Variants in MPP7 observed in about 807,000 individuals in gnomAD.
MPP7 encodes MAGUK p55 scaffold protein 7, also known as MAGUK p55 subfamily member 7.
A neutral mutation model predicts 76.5 loss-of-function variants in MPP7; 60 were observed. That is an observed-to-expected ratio of 0.78 (90% CI 0.64 to 0.97). MPP7 has a LOEUF of 0.97. MPP7 is among the 50% of genes least tolerant of loss of function. The pLI, the probability that MPP7 is intolerant of heterozygous loss-of-function variation, is 0.00. For synonymous variants in MPP7, 237 were observed against 244.5 expected (o/e 0.97, Z 0.29); for missense variants, 641 against 694.0 (o/e 0.92, Z 0.86).
At chr10:28,136,280 C>T (rs569581252) in intron 5 of MPP7, among the ~76,000 whole-genome samples, 1 of 152,074 alleles carries the variant, frequency 6.6e-6, no homozygotes, top group South Asian at 2.1e-4. Flanking sequence ...AAATCACTCC[C>T]CAAACCCCCA....
At chr10:28,291,344 G>A (rs560832432) in intron 1 of MPP7, among the ~76,000 whole-genome samples, 18 of 152,320 alleles carry the variant, frequency 1.2e-4, no homozygotes, top group African/African-American at 3.6e-4. Flanking sequence ...GGTGGCTCAC[G>A]CCTGTAATCC....
chr10:28,144,925 G>C (rs1835655301), intron 5 of MPP7, among the ~76,000 whole-genome samples: 1 of 152,146 alleles, frequency 6.6e-6, no homozygotes, highest in South Asian at 2.1e-4. Flanking sequence ...ATAAATGAAT[G>C]AATGAAGATC....
intron 2 of MPP7, among the ~76,000 whole-genome samples, chr10:28,221,908 TGCTA>T (rs1263430558): frequency 6.6e-6 from 1 of 152,224 alleles, no homozygotes; most frequent in Non-Finnish European, 1.5e-5. Flanking sequence ...AATAGTGCTA[TGCTA>T]GCTATTTAAT....
chr10:28,157,299 T>C (rs1836099196), intron 3 of MPP7, among the ~76,000 whole-genome samples: 1 of 152,206 alleles, frequency 6.6e-6, no homozygotes, highest in South Asian at 2.1e-4. Context: ...CTATCACTGT[T>C]GTCAGCTCTC....
intron 3 of MPP7, among the ~76,000 whole-genome samples, chr10:28,168,334 G>A (rs940903366): frequency 1.3e-5 from 2 of 151,990 alleles, no homozygotes; most frequent in African/African-American, 4.8e-5. Context: ...TTGTAGATGT[G>A]CTTTCTATTT....
At chr10:28,334,463 G>T (rs1359248809) in exon 1 of MPP7, 4 of 152,196 alleles carry the variant, frequency 2.6e-5, no homozygotes, top group African/African-American at 4.8e-5. Context: ...TGGTTACGGT[G>T]TCTGAGTGAA....
intron 1 of MPP7, among the ~76,000 whole-genome samples, chr10:28,272,731 T>A (rs929322037): frequency 1.3e-5 from 2 of 151,276 alleles, no homozygotes; most frequent in African/African-American, 4.9e-5. Flanking sequence ...ACTCTTAGTT[T>A]AAAAAAAAAG....
At chr10:28,164,566 A>G (rs546372409) in intron 3 of MPP7, among the ~76,000 whole-genome samples, 2 of 152,298 alleles carry the variant, frequency 1.3e-5, no homozygotes, top group African/African-American at 4.8e-5. Flanking sequence ...TAATGTGTAC[A>G]CATGGACAGT....
intron 6 of MPP7, among the ~76,000 whole-genome samples, chr10:28,130,545 A>T (rs896274803): frequency 6.6e-6 from 1 of 152,170 alleles, no homozygotes; most frequent in Non-Finnish European, 1.5e-5. Context: ...CACTTGCTAG[A>T]ATTTTATTTC....
intron 11 of MPP7, chr10:28,118,985 TG>T: frequency 1.0e-6 from 1 of 985,228 alleles, no homozygotes; most frequent in Non-Finnish European, 1.2e-6. Flanking sequence ...CTAGGCGAGG[TG>T]GAACAGGGAA....
intron 11 of MPP7, among the ~76,000 whole-genome samples, chr10:28,091,234 T>C (rs889128473): frequency 1.3e-5 from 2 of 151,368 alleles, no homozygotes; most frequent in African/African-American, 2.4e-5. Context: ...TTTAAAGGTA[T>C]AAAAATACAT....
At chr10:28,202,084 A>T in intron 3 of MPP7, 69 bp downstream of exon 3, 1 of 1,050,698 alleles carries the variant, frequency 9.5e-7, no homozygotes, top group African/African-American at 1.6e-5. Flanking sequence ...TCTCTGGTTT[A>T]CTTGGTGGTG....
intron 3 of MPP7, among the ~76,000 whole-genome samples, chr10:28,183,671 T>C (rs1837132709): frequency 6.6e-6 from 1 of 152,098 alleles, no homozygotes; most frequent in African/African-American, 2.4e-5. Flanking sequence ...CTTGTAGTCC[T>C]AGCTACTTGG....
intron 11 of MPP7, among the ~76,000 whole-genome samples, chr10:28,098,441 G>A (rs1243121147): frequency 6.6e-6 from 1 of 151,902 alleles, no homozygotes; most frequent in Middle Eastern, 3.4e-3. Flanking sequence ...CAATGGTTGT[G>A]TTAGGTAGAG....
At position 28,238,831 on chromosome 10, in the gene MPP7, T is replaced by C. The variant is rs562185023; in HGVS notation, c.-131-96A>G. Reference sequence around the variant, plus strand: ...TTCAAAATTCTCATCCCAATCACTATTGGAGAGATCGCAACTCTTCAGAAT... The same window carrying C: ...TTCAAAATTCTCATCCCAATCACTACTGGAGAGATCGCAACTCTTCAGAAT... On this transcript the variant is annotated intron_variant, in intron 1 of 16. Coordinates refer to ENST00000683449, the MANE Select transcript of MPP7 (RefSeq NM_001318170.2). 1.2e-4 allele frequency: 64 copies of C among 530,852 alleles called. No homozygotes were observed. In the Admixed American group the frequency reaches 1.8e-3, roughly 15 times the overall value. 32.9% of individuals were successfully genotyped at this position (530,852 alleles called of 1,614,324 possible).
intron 2 of MPP7, among the ~76,000 whole-genome samples, chr10:28,235,391 T>C (rs1839040257): frequency 6.6e-6 from 1 of 152,202 alleles, no homozygotes; most frequent in Non-Finnish European, 1.5e-5. Flanking sequence ...AATTTTTCTA[T>C]AATTCTAAAA....
chr10:28,281,601 T>C (rs1840673981), intron 1 of MPP7, among the ~76,000 whole-genome samples: 1 of 152,048 alleles, frequency 6.6e-6, no homozygotes, highest in African/African-American at 2.4e-5. Flanking sequence ...TTTAGGGTAT[T>C]TACCAACAAT....
At chr10:28,216,943 T>C (rs906046208) in intron 2 of MPP7, among the ~76,000 whole-genome samples, 1 of 152,080 alleles carries the variant, frequency 6.6e-6, no homozygotes, top group African/African-American at 2.4e-5. Flanking sequence ...GTCAGCAATA[T>C]AATTCATCTA....
chr10:28,321,948 CGTGT>C (rs3064171), intron 2 of MPP7, among the ~76,000 whole-genome samples: 39,738 of 143,248 alleles, frequency 0.28, 5,274 homozygotes, highest in East Asian at 0.45. Flanking sequence ...TTTTTGTAGA[CGTGT>C]GTGTGTGTGT....
Sources: gnomAD v4.1 joint callset for allele counts (sites outside exome capture counted in the v4.1 genomes callset) on GRCh38, gnomAD v4.1.1 for gene constraint, MANE v1.5 for transcripts, NCBI Gene and HGNC (gene_info 2026-07-23, HGNC 2026-07-21) for gene names.